The following GRM1 variants were observed in gnomAD, a reference collection of about 807,000 sequenced individuals.
GRM1 encodes the protein glutamate metabotropic receptor 1.
In GRM1, 33 loss-of-function variants were observed where a neutral mutation model predicts 90.9. That is an observed-to-expected ratio of 0.36 (90% CI 0.28 to 0.49). The LOEUF is 0.49. GRM1 is among the 20% of genes least tolerant of loss of function. The pLI, the probability that GRM1 is intolerant of heterozygous loss-of-function variation, is 0.99. For synonymous variants in GRM1, 700 were observed against 613.2 expected, an observed-to-expected ratio of 1.14 and a Z score of -2.09; for missense variants, 1,190 against 1,534.3, an observed-to-expected ratio of 0.78 and a Z score of 3.75.
intron 1 of GRM1, among the ~76,000 whole-genome samples, chr6:146,115,174 T>C (rs1775694906): frequency 6.6e-6 from 1 of 151,994 alleles, no homozygotes; most frequent in African/African-American, 2.4e-5. Context: ...TTTCCTCATC[T>C]TAAAATGCTC....
intron 2 of GRM1, among the ~76,000 whole-genome samples, chr6:146,173,451 GA>G (rs1244769879): frequency 2.0e-5 from 3 of 147,498 alleles, no homozygotes; most frequent in South Asian, 4.4e-4. Flanking sequence ...AGAAAGAAAA[GA>G]AAAAAAGAAA....
chr6:146,278,408 A>G (rs767738513), intron 2 of GRM1, among the ~76,000 whole-genome samples: 7 of 152,140 alleles, frequency 4.6e-5, no homozygotes, highest in African/African-American at 1.2e-4. Flanking sequence ...GTGTTACTCC[A>G]TATATTCACC....
At chr6:146,282,771 T>G (rs1782620619) in intron 2 of GRM1, among the ~76,000 whole-genome samples, 1 of 152,174 alleles carries the variant, frequency 6.6e-6, no homozygotes, top group Non-Finnish European at 1.5e-5. Context: ...ATGTAAAATG[T>G]TAGGTCTCAT....
chr6:146,251,869 A>G (rs1172476344), intron 2 of GRM1, among the ~76,000 whole-genome samples: 1 of 152,162 alleles, frequency 6.6e-6, no homozygotes, highest in African/African-American at 2.4e-5. Flanking sequence ...CATTCTTACC[A>G]GGATGCCTTT....
intron 2 of GRM1, among the ~76,000 whole-genome samples, chr6:146,214,339 A>C (rs1307015138): frequency 6.6e-6 from 1 of 152,222 alleles, no homozygotes; most frequent in Non-Finnish European, 1.5e-5. Context: ...ATAAACAATA[A>C]ATTAATGAAT....
At chr6:146,203,964 C>T (rs188368200) in intron 2 of GRM1, among the ~76,000 whole-genome samples, 25 of 152,300 alleles carry the variant, frequency 1.6e-4, no homozygotes, top group Admixed American at 1.4e-3. Flanking sequence ...ATTTCAATCA[C>T]TATACCAACG....
At chr6:146,038,774 A>AT (rs1790986251) in intron 1 of GRM1, among the ~76,000 whole-genome samples, 3 of 151,952 alleles carry the variant, frequency 2.0e-5, no homozygotes, top group Admixed American at 2.0e-4. Context: ...CTGTGGTGCT[A>AT]TAACACATTT....
intron 1 of GRM1, among the ~76,000 whole-genome samples, chr6:146,141,897 T>A (rs1776891607): frequency 6.6e-6 from 1 of 152,182 alleles, no homozygotes; most frequent in Non-Finnish European, 1.5e-5. Flanking sequence ...GATGCCTTAT[T>A]TAGTTCATTT....
At chr6:146,091,267 G>T (rs1376197535) in intron 1 of GRM1, among the ~76,000 whole-genome samples, 1 of 152,092 alleles carries the variant, frequency 6.6e-6, no homozygotes, top group Non-Finnish European at 1.5e-5. Context: ...AGGCAAGGAG[G>T]CAAAGAGTAC....
intron 1 of GRM1, among the ~76,000 whole-genome samples, chr6:146,041,761 T>G (rs1355042238): frequency 6.6e-6 from 1 of 152,054 alleles, no homozygotes; most frequent in Non-Finnish European, 1.5e-5. Flanking sequence ...ATGATAATCT[T>G]GACACTAGAT....
chr6:146,368,263 G>GA lies in GRM1; in HGVS notation c.1602+10569_1602+10570insA, dbSNP rs1562643880. Among the ~76,000 whole-genome samples, 37 of 138,114 alleles carry GA rather than the reference G, an allele frequency of 2.7e-4. No individual in the cohort carries two copies. In the East Asian group the frequency reaches 3.2e-3, roughly 12 times the overall value. The allele number at this position is 138,114 out of a possible 152,430, so 90.6% of individuals were successfully genotyped here. On this transcript the variant is annotated intron_variant, in intron 5 of 7. Coordinates refer to ENST00000282753, the MANE Select transcript of GRM1 (RefSeq NM_001278064.2). ...ATCATTTTCTACAGTTTTTTTTTGG[G>GA]GGGGGGGGTAGAATCTTTAGATTTT...
intron 6 of GRM1, among the ~76,000 whole-genome samples, chr6:146,394,063 G>T (rs1047975941): frequency 5.3e-5 from 8 of 152,152 alleles, no homozygotes; most frequent in African/African-American, 1.4e-4. Flanking sequence ...CTAGCCATAT[G>T]CAGAAAACTG....
chr6:146,116,122 T>C (rs1238001700), intron 1 of GRM1, among the ~76,000 whole-genome samples: 1 of 152,104 alleles, frequency 6.6e-6, no homozygotes, highest in Non-Finnish European at 1.5e-5. Flanking sequence ...GGCTAATTTT[T>C]GTATTTTTAA....
chr6:146,164,899 G>T (rs556393914), intron 2 of GRM1, among the ~76,000 whole-genome samples: 12 of 151,808 alleles, frequency 7.9e-5, no homozygotes, highest in Admixed American at 5.9e-4. Context: ...TTATATATTT[G>T]CTAGCCCTTT....
intron 7 of GRM1, among the ~76,000 whole-genome samples, chr6:146,424,591 A>C (rs1222650894): frequency 1.3e-5 from 2 of 152,244 alleles, no homozygotes; most frequent in African/African-American, 4.8e-5. Flanking sequence ...CAAGAGGATG[A>C]TTACAGAGCA....
rs566633055 is a variant in GRM1, at chr6:146,088,216, T to C, written c.700+57999T>C. Among the ~76,000 whole-genome samples, 37 of 152,172 alleles carry C rather than the reference T, an allele frequency of 2.4e-4. 1 individual carries two copies. The highest frequency in any genetic ancestry group is 4.9e-4 in the Non-Finnish European group (33 of 68,022). The stretch of plus-strand genomic sequence containing the variant: ...TAGTGAGCATCTTTCCCTGTGCTTA[T>C]ATTTTATGTGTATATTCTTTCAGTG... On this transcript the variant is annotated intron_variant, in intron 1 of 7. Transcript: ENST00000282753.
chr6:146,409,063 C>A (rs899759835), intron 7 of GRM1, among the ~76,000 whole-genome samples: 1 of 152,078 alleles, frequency 6.6e-6, no homozygotes, highest in Non-Finnish European at 1.5e-5. Context: ...CTAGCCTAAG[C>A]AAATGGGGTG....
chr6:146,230,726 C>T (rs1276664422), intron 2 of GRM1, among the ~76,000 whole-genome samples: 3 of 152,126 alleles, frequency 2.0e-5, no homozygotes, highest in African/African-American at 7.2e-5. Context: ...AAGTTTATAG[C>T]AGCTTTATTT....
At chr6:146,409,798 A>G (rs1415476697) in intron 7 of GRM1, among the ~76,000 whole-genome samples, 1 of 152,208 alleles carries the variant, frequency 6.6e-6, no homozygotes, top group East Asian at 1.9e-4. Flanking sequence ...ACTGAAGGCA[A>G]CTTAATACTA....
Sources: gnomAD v4.1 joint callset for allele counts (sites outside exome capture counted in the v4.1 genomes callset) on GRCh38, gnomAD v4.1.1 for gene constraint, MANE v1.5 for transcripts, NCBI Gene and HGNC (gene_info 2026-07-23, HGNC 2026-07-21) for gene names.